Variants in CFAP44 observed in about 807,000 individuals in gnomAD.
The protein encoded by CFAP44 is cilia- and flagella-associated protein 44.
CFAP44 carries 134 observed loss-of-function variants against 216.2 expected under a neutral mutation model. The observed-to-expected ratio is 0.62, with a 90% CI of 0.54 to 0.72. The LOEUF is 0.72. Ranked by LOEUF, CFAP44 falls within the 30% of genes least tolerant of loss-of-function variation. The probability of loss-of-function intolerance (pLI) is 0.00; values close to 1 mark genes in which losing one functional copy is unlikely to be tolerated. For missense variants in CFAP44, 2,035 were observed against 2,182.1 expected (o/e 0.93, Z 1.34); for synonymous variants, 700 against 727.6 (o/e 0.96, Z 0.61).
chr3:113,401,721 T>C lies in CFAP44; in HGVS notation c.1189A>G (p.Ile397Val), dbSNP rs779617993. 6 of 1,610,528 alleles carry C rather than the reference T, an allele frequency of 3.7e-6. No homozygotes were observed. Among genetic ancestry groups the C allele is most frequent in the Non-Finnish European group, 4.2e-6 (5 of 1,178,614 alleles). The change falls in exon 10 of 35, where the codon ATA becomes GTA. Residue 397 changes from isoleucine (I) to valine (V), a missense_variant. Physicochemically the swap from Ile to Val is conservative, Grantham distance 29. This residue lies in a region of CFAP44 where 1,883 missense variants were observed against 2,023.7 expected (regional missense o/e 0.93). Transcript: ENST00000393845. ...TCATCTATTACATCAGCAGTGTCTA[T>C]TGTCTCAAAATCCCATATCTTGTAA... ...GYVRIWDFET[I>V]DTADVIDETG...
At chr3:113,420,880 CT>C (rs1386960918) in intron 4 of CFAP44, among the ~76,000 whole-genome samples, 1 of 152,002 alleles carries the variant, frequency 6.6e-6, no homozygotes, top group Non-Finnish European at 1.5e-5. Context: ...ACTAACATTT[CT>C]TTTCTGAGCT....
chr3:113,425,394 T>A (rs1240324743), intron 4 of CFAP44, among the ~76,000 whole-genome samples: 1 of 152,192 alleles, frequency 6.6e-6, no homozygotes, highest in Non-Finnish European at 1.5e-5. Flanking sequence ...ACTACCCGCA[T>A]TGCAAACCTA....
chr3:113,427,547 T>C (rs558394729), intron 2 of CFAP44: 3 of 468,828 alleles, frequency 6.4e-6, no homozygotes, highest in Non-Finnish European at 1.1e-5. Context: ...CATTTTCACT[T>C]CATTTTCAGT....
chr3:113,431,455 AG>A (rs1168017952), intron 2 of CFAP44, among the ~76,000 whole-genome samples: 11 of 152,188 alleles, frequency 7.2e-5, no homozygotes, highest in Non-Finnish European at 1.3e-4. Context: ...AACACTGCCG[AG>A]GACTGGAAAC....
chr3:113,440,518 C>T (rs1250344748), intron 1 of CFAP44, among the ~76,000 whole-genome samples: 1 of 152,152 alleles, frequency 6.6e-6, no homozygotes. Flanking sequence ...AGTGATTAAG[C>T]CTTTTGAATT....
At chr3:113,300,230 G>C (rs1357955142) in intron 32 of CFAP44, among the ~76,000 whole-genome samples, 1 of 142,426 alleles carries the variant, frequency 7.0e-6, no homozygotes, top group East Asian at 1.9e-4. Context: ...GTGGAGGTGG[G>C]GGATGTGGGA....
chr3:113,338,958 C>G (rs1434688877), intron 24 of CFAP44, among the ~76,000 whole-genome samples: 1 of 151,862 alleles, frequency 6.6e-6, no homozygotes, highest in Non-Finnish European at 1.5e-5. Flanking sequence ...ATCTTTAATT[C>G]CCTGGGTTTA....
chr3:113,421,072 G>T (rs1934803407), intron 4 of CFAP44, among the ~76,000 whole-genome samples: 1 of 151,946 alleles, frequency 6.6e-6, no homozygotes, highest in African/African-American at 2.4e-5. Flanking sequence ...CTACAGAATG[G>T]GAGAAAATAT....
intron 32 of CFAP44, among the ~76,000 whole-genome samples, chr3:113,302,197 G>A (rs6793192): frequency 0.25 from 37,660 of 151,650 alleles, 4,866 homozygotes; most frequent in African/African-American, 0.32. Flanking sequence ...GGTTGATTCC[G>A]TGTCTTGGCA....
Position 113,291,348 on chromosome 3 carries a change from A to T in CFAP44, c.*209T>A. The stretch of plus-strand genomic sequence containing the variant: ...AGGTTCGAAACATCTAAAATGATTC[A>T]GTTTCATAACAGAGGTTGGGTGCTG... On this transcript the variant is annotated 3_prime_UTR_variant, in exon 35 of 35. Coordinates refer to ENST00000393845, the MANE Select transcript of CFAP44 (RefSeq NM_001164496.2). The T allele has an allele frequency of 1.9e-6, 1 of 527,766 alleles. No individual in the cohort carries two copies. Among genetic ancestry groups the T allele is most frequent in the Non-Finnish European group, 3.3e-6 (1 of 300,980 alleles). The allele number at this position is 527,766 out of a possible 1,614,324, so 32.7% of individuals were successfully genotyped here. A position where few individuals can be genotyped will look rare whatever the true frequency, so the allele number is the denominator to read the frequency against.
chr3:113,402,683 T>C (rs1365274936), intron 9 of CFAP44, among the ~76,000 whole-genome samples: 1 of 152,134 alleles, frequency 6.6e-6, no homozygotes. Context: ...CTAGGTTTTT[T>C]CTATGGGGTA....
intron 22 of CFAP44, among the ~76,000 whole-genome samples, chr3:113,351,184 G>T (rs1385197874): frequency 1.3e-5 from 2 of 152,188 alleles, no homozygotes; most frequent in Non-Finnish European, 2.9e-5. Flanking sequence ...AATATGGACT[G>T]AACGAGATCT....
At chr3:113,292,031 TAA>T (rs1369415776) in intron 34 of CFAP44, among the ~76,000 whole-genome samples, 1 of 152,172 alleles carries the variant, frequency 6.6e-6, no homozygotes, top group Non-Finnish European at 1.5e-5. Flanking sequence ...ACTGGAATAA[TAA>T]AAGACAGAGT....
intron 34 of CFAP44, among the ~76,000 whole-genome samples, chr3:113,292,601 G>A (rs925435558): frequency 1.3e-5 from 2 of 152,202 alleles, no homozygotes; most frequent in Admixed American, 1.3e-4. Context: ...GAACTGGGTG[G>A]TATCATTCCA....
At chr3:113,365,381 C>A (rs939101658) in intron 19 of CFAP44, among the ~76,000 whole-genome samples, 1 of 152,150 alleles carries the variant, frequency 6.6e-6, no homozygotes, top group African/African-American at 2.4e-5. Flanking sequence ...TATAATCTTT[C>A]TAATACAACT....
At chr3:113,301,526 A>G (rs1949935196) in intron 32 of CFAP44, among the ~76,000 whole-genome samples, 1 of 152,194 alleles carries the variant, frequency 6.6e-6, no homozygotes, top group Non-Finnish European at 1.5e-5. Flanking sequence ...AAGTATTTTA[A>G]AAGATAATTA....
At chr3:113,413,717 A>G (rs1284967401) in intron 6 of CFAP44, among the ~76,000 whole-genome samples, 2 of 152,054 alleles carry the variant, frequency 1.3e-5, no homozygotes, top group Non-Finnish European at 2.9e-5. Context: ...CCATTGGTCT[A>G]TATGTCTGTT....
intron 1 of CFAP44, among the ~76,000 whole-genome samples, chr3:113,440,803 G>A (rs2107427558): frequency 6.6e-6 from 1 of 152,262 alleles, no homozygotes; most frequent in African/African-American, 2.4e-5. Context: ...TTGCAGCCCA[G>A]CTACAGTCAC....
At chr3:113,429,966 A>G (rs1935060629) in intron 2 of CFAP44, among the ~76,000 whole-genome samples, 1 of 152,120 alleles carries the variant, frequency 6.6e-6, no homozygotes, top group African/African-American at 2.4e-5. Context: ...GAACATCACT[A>G]TCAACCATCC....
Sources: allele counts gnomAD v4.1 joint callset (sites outside exome capture counted in the v4.1 genomes callset), GRCh38; gene constraint gnomAD v4.1.1; regional missense constraint gnomAD v4.1.1; transcripts MANE v1.5; gene names NCBI Gene and HGNC (gene_info 2026-07-23, HGNC 2026-07-21).